The following TMEM244 variants were observed in gnomAD, a reference collection of about 807,000 sequenced individuals.
The protein encoded by TMEM244 is transmembrane protein 244, also known as putative transmembrane protein 244.
TMEM244 carries 13 observed loss-of-function variants against 15.8 expected under a neutral mutation model. The observed-to-expected ratio is 0.82, with a 90% CI of 0.53 to 1.30. The LOEUF (loss-of-function observed/expected upper bound fraction) is 1.30. TMEM244 is among the 50% of genes most tolerant of loss of function. The pLI, the probability that TMEM244 is intolerant of heterozygous loss-of-function variation, is 0.00. For missense variants in TMEM244, 161 were observed against 144.9 expected (o/e 1.11, Z -0.57); for synonymous variants, 45 against 48.7 (o/e 0.92, Z 0.32).
chr6:129,833,478 C>T lies in TMEM244; in HGVS notation c.301G>A (p.Val101Ile). 1 of 1,612,114 alleles carries T rather than the reference C, an allele frequency of 6.2e-7. No individual in the cohort carries two copies. Among genetic ancestry groups the T allele is most frequent in the Non-Finnish European group, 8.5e-7 (1 of 1,179,304 alleles). Reference protein sequence around the residue: ...DYAISVTILHVAITSTVMLEF... With the variant: ...DYAISVTILHIAITSTVMLEF... ...TGCTTACCAGTTGAAGTGATGGCAACATGAAGAATAGTGACTGAAATAGCA... is the reference window on the plus strand; with the variant it reads ...TGCTTACCAGTTGAAGTGATGGCAATATGAAGAATAGTGACTGAAATAGCA... The change falls in exon 4 of 5, where the codon GTT (valine) becomes ATT (isoleucine). Residue 101 changes from valine (V) to isoleucine (I), a missense_variant. By Grantham distance (29) the Val-to-Ile change is conservative. Transcript: ENST00000368143.
chr6:129,843,410 A>T (rs1776517254), intron 3 of TMEM244, 120 bp downstream of exon 3: 7 of 577,516 alleles, frequency 1.2e-5, no homozygotes, highest in Non-Finnish European at 1.7e-5. Flanking sequence ...TTGAAATCAG[A>T]TAAAATACAT....
At chr6:129,860,145 G>GTGTCTGTC (rs372011367) in intron 1 of TMEM244, among the ~76,000 whole-genome samples, 1 of 129,072 alleles carries the variant, frequency 7.7e-6, no homozygotes, top group African/African-American at 2.9e-5. Context: ...GTGTGTGTGT[G>GTGTCTGTC]TGTCTGTCTG....
intron 3 of TMEM244, among the ~76,000 whole-genome samples, chr6:129,841,534 C>T (rs1025529596): frequency 8.6e-5 from 13 of 152,022 alleles, no homozygotes; most frequent in South Asian, 2.1e-4. Flanking sequence ...CAAACCTGCA[C>T]ATTGTGCCCA....
intron 3 of TMEM244, among the ~76,000 whole-genome samples, chr6:129,837,736 C>A (rs571971691): frequency 6.6e-6 from 1 of 152,160 alleles, no homozygotes; most frequent in Admixed American, 6.5e-5. Flanking sequence ...GAAGATCTAC[C>A]AAGCAAATGG....
intron 3 of TMEM244, among the ~76,000 whole-genome samples, chr6:129,834,270 A>G (rs137904054): frequency 9.3e-4 from 141 of 152,350 alleles, no homozygotes; most frequent in Admixed American, 3.0e-3. Flanking sequence ...GTGATGGGTC[A>G]ATCTTTTGCC....
chr6:129,837,468 A>G (rs1388159020), intron 3 of TMEM244, among the ~76,000 whole-genome samples: 2 of 152,236 alleles, frequency 1.3e-5, no homozygotes, highest in Non-Finnish European at 2.9e-5. Context: ...CACTGCAAAA[A>G]CATGCCAAAT....
chr6:129,850,368 A>T (rs1375264496), intron 1 of TMEM244, among the ~76,000 whole-genome samples: 1 of 152,210 alleles, frequency 6.6e-6, no homozygotes, highest in Non-Finnish European at 1.5e-5. Context: ...GAGAGGGGCC[A>T]TTAGGTCGGG....
intron 3 of TMEM244, among the ~76,000 whole-genome samples, chr6:129,841,294 A>G (rs1776486540): frequency 6.6e-6 from 1 of 152,030 alleles, no homozygotes; most frequent in African/African-American, 2.4e-5. Flanking sequence ...GAAGCTGGAA[A>G]CCATTATTCT....
At chr6:129,838,935 T>G (rs1776447656) in intron 3 of TMEM244, among the ~76,000 whole-genome samples, 1 of 147,260 alleles carries the variant, frequency 6.8e-6, no homozygotes, top group African/African-American at 2.4e-5. Flanking sequence ...AGGAAATAAT[T>G]AATGGCCTAT....
intron 1 of TMEM244, among the ~76,000 whole-genome samples, chr6:129,850,012 C>T (rs552204064): frequency 6.6e-6 from 1 of 152,176 alleles, no homozygotes. Flanking sequence ...TATAAAACTT[C>T]TGAGTGGTAG....
At chr6:129,859,075 T>G (rs756505763) in intron 1 of TMEM244, among the ~76,000 whole-genome samples, 6 of 152,120 alleles carry the variant, frequency 3.9e-5, no homozygotes, top group Non-Finnish European at 5.9e-5. Context: ...ATTACAGGCA[T>G]GAGCCACCAC....
At position 129,843,534 on chromosome 6, in the gene TMEM244, A is replaced by G. The variant is rs1407058637; in HGVS notation, c.189T>C (p.Tyr63=). ...ATTTAAAATTAAAACAATTACCTTTATAGTTTATGTTGAGCCATGAGGGAT... is the reference window on the plus strand; with the variant it reads ...ATTTAAAATTAAAACAATTACCTTTGTAGTTTATGTTGAGCCATGAGGGAT... The part of the protein sequence containing the change: ...KTNPSWLNIN[Y]KVLLVSTEVT... Residue 63 remains tyrosine (Y), a synonymous_variant, in exon 3 of 5, where the codon TAT becomes TAC. Transcript: ENST00000368143. 1 of 1,606,628 alleles carries G rather than the reference A, an allele frequency of 6.2e-7. No individual in the cohort carries two copies. Among genetic ancestry groups the G allele is most frequent in the Non-Finnish European group, 8.5e-7 (1 of 1,174,206 alleles).
chr6:129,831,329 A>G lies in TMEM244; in HGVS notation c.377T>C (p.Leu126Ser), dbSNP rs745909040. The change falls in exon 5 of 5, where the codon TTG becomes TCG. Residue 126 changes from leucine (L) to serine (S), a missense_variant. By Grantham distance (145) the Leu-to-Ser change is moderately radical. Coordinates refer to ENST00000368143, the MANE Select transcript of TMEM244 (RefSeq NM_001010876.2). ...TGTGCATTAGAGAATCTAAACAAGC[A>G]ATTTTGATATACCTAAAGCAGCCCA... ...HWWAALGISK[L>S]LV 6.4e-7 allele frequency: 1 copy of G among 1,550,510 alleles called. No homozygotes were observed. The highest frequency in any genetic ancestry group is 8.9e-7 in the Non-Finnish European group (1 of 1,122,170).
chr6:129,859,294 A>G (rs1352159972), intron 1 of TMEM244, among the ~76,000 whole-genome samples: 4 of 152,234 alleles, frequency 2.6e-5, no homozygotes, highest in Non-Finnish European at 5.9e-5. Flanking sequence ...GTATGTTCCC[A>G]ATAGATAATA....
In TMEM244 at chr6:129,835,486, C is replaced by T. The variant is rs150639048; in HGVS notation, c.194-1901G>A. 5.5e-3 allele frequency among the ~76,000 whole-genome samples: 839 copies of T among 151,742 alleles called. 6 individuals are homozygous for T. The highest frequency in any genetic ancestry group is 0.019 in the African/African-American group (804 of 41,350). On this transcript the variant is annotated intron_variant, in intron 3 of 4. Coordinates refer to ENST00000368143, the MANE Select transcript of TMEM244 (RefSeq NM_001010876.2). ...TCTGGTTTGCAGCTCCCAGTGAGAT[C>T]GACGCAGAAGATGGGTGATTTCTGC...
intron 4 of TMEM244, among the ~76,000 whole-genome samples, chr6:129,832,270 G>C (rs1776339216): frequency 6.6e-6 from 1 of 151,780 alleles, no homozygotes; most frequent in Admixed American, 6.6e-5. Context: ...GCTAATTTTT[G>C]TATTTTTAGT....
chr6:129,857,048 T>G (rs1376983051), intron 1 of TMEM244, among the ~76,000 whole-genome samples: 3 of 152,050 alleles, frequency 2.0e-5, no homozygotes, highest in Non-Finnish European at 4.4e-5. Flanking sequence ...CAACTGAAGT[T>G]TCCTCTTCCA....
At chr6:129,839,376 T>C (rs544595161) in intron 3 of TMEM244, among the ~76,000 whole-genome samples, 2 of 152,140 alleles carry the variant, frequency 1.3e-5, no homozygotes, top group East Asian at 3.9e-4. Flanking sequence ...CAAAATTCAA[T>C]AGCCCTTCAT....
chr6:129,861,280 A>G lies in TMEM244; in HGVS notation c.-92T>C, dbSNP rs1199044744. The G allele has an allele frequency of 1.4e-5, 21 of 1,457,248 alleles. No individual in the cohort carries two copies. The highest frequency in any genetic ancestry group is 1.5e-5 in the Non-Finnish European group (16 of 1,043,280). The allele number at this position is 1,457,248 out of a possible 1,614,324, so 90.3% of individuals were successfully genotyped here. On this transcript the variant is annotated 5_prime_UTR_variant, in exon 1 of 5. Transcript: ENST00000368143. ...ACACAATTGTCACCGTGAGCTTTTC[A>G]ATTACTCCTGGAGACTAAGTGTGAG...
Sources: allele counts gnomAD v4.1 joint callset (sites outside exome capture counted in the v4.1 genomes callset), GRCh38; gene constraint gnomAD v4.1.1; transcripts MANE v1.5; gene names NCBI Gene and HGNC (gene_info 2026-07-23, HGNC 2026-07-21).